Variants in GRM1 observed in about 807,000 individuals in gnomAD.
GRM1 encodes glutamate metabotropic receptor 1.
In GRM1, 33 loss-of-function variants were observed where a neutral mutation model predicts 90.9. The observed-to-expected ratio is 0.36, with a 90% CI of 0.28 to 0.49. GRM1 has a LOEUF of 0.49. Among genes scored for constraint, GRM1 ranks in the 20% least tolerant of loss-of-function variants. The pLI is 0.99. For synonymous variants in GRM1, 700 were observed against 613.2 expected, an observed-to-expected ratio of 1.14 and a Z score of -2.09; for missense variants, 1,190 against 1,534.3, an observed-to-expected ratio of 0.78 and a Z score of 3.75.
intron 2 of GRM1, among the ~76,000 whole-genome samples, chr6:146,249,383 T>A (rs1049312998): frequency 2.2e-4 from 34 of 152,120 alleles, no homozygotes; most frequent in African/African-American, 8.0e-4. Context: ...TCTGTGCAGC[T>A]TTGGAACTTG....
intron 1 of GRM1, among the ~76,000 whole-genome samples, chr6:146,091,285 G>A (rs1449966372): frequency 6.6e-6 from 1 of 152,072 alleles, no homozygotes; most frequent in Non-Finnish European, 1.5e-5. Context: ...TACCTTTTCA[G>A]GAAGTAGAGC....
At chr6:146,423,987 G>A (rs778660467) in intron 7 of GRM1, among the ~76,000 whole-genome samples, 5 of 152,084 alleles carry the variant, frequency 3.3e-5, no homozygotes, top group Non-Finnish European at 7.4e-5. Flanking sequence ...CACCAGACAC[G>A]GCCATCCCCA....
At chr6:146,371,415 C>T (rs1775897198) in intron 5 of GRM1, among the ~76,000 whole-genome samples, 1 of 152,056 alleles carries the variant, frequency 6.6e-6, no homozygotes, top group Non-Finnish European at 1.5e-5. Flanking sequence ...ACAATGAGTG[C>T]ATCATGGAGA....
At chr6:146,075,795 A>G (rs1400090629) in intron 1 of GRM1, among the ~76,000 whole-genome samples, 2 of 152,140 alleles carry the variant, frequency 1.3e-5, no homozygotes, top group Non-Finnish European at 2.9e-5. Context: ...CTTGGCTTGT[A>G]GCTGCATCAC....
intron 1 of GRM1, among the ~76,000 whole-genome samples, chr6:146,081,429 A>G (rs551000932): frequency 1.3e-5 from 2 of 152,308 alleles, no homozygotes; most frequent in African/African-American, 4.8e-5. Context: ...AGTAATAGCT[A>G]GGGGCCCACC....
At chr6:146,385,791 A>C (rs1224012290) in intron 5 of GRM1, among the ~76,000 whole-genome samples, 2 of 152,022 alleles carry the variant, frequency 1.3e-5, no homozygotes, top group Non-Finnish European at 2.9e-5. Context: ...ACTATAACCC[A>C]AAGGACGGGA....
intron 3 of GRM1, among the ~76,000 whole-genome samples, chr6:146,312,881 G>T (rs1274131118): frequency 2.0e-5 from 3 of 152,164 alleles, no homozygotes; most frequent in Non-Finnish European, 4.4e-5. Flanking sequence ...ACATAGGGTG[G>T]ACTGGTTCCC....
At chr6:146,186,443 A>G (rs556005468) in intron 2 of GRM1, among the ~76,000 whole-genome samples, 1 of 152,026 alleles carries the variant, frequency 6.6e-6, no homozygotes, top group Non-Finnish European at 1.5e-5. Flanking sequence ...TTGATTCCAA[A>G]CCATTTTGTT....
intron 2 of GRM1, among the ~76,000 whole-genome samples, chr6:146,283,913 T>G (rs1336751564): frequency 6.6e-6 from 1 of 152,226 alleles, no homozygotes; most frequent in Non-Finnish European, 1.5e-5. Context: ...ACAGAAACAG[T>G]TGGCTTCTCA....
intron 3 of GRM1, among the ~76,000 whole-genome samples, chr6:146,317,505 C>T (rs1286138718): frequency 1.3e-5 from 2 of 151,978 alleles, no homozygotes; most frequent in Non-Finnish European, 2.9e-5. Flanking sequence ...TTGTTGGTTT[C>T]GTTGTGTTAT....
intron 1 of GRM1, among the ~76,000 whole-genome samples, chr6:146,072,483 G>C (rs1272539467): frequency 6.6e-6 from 1 of 152,094 alleles, no homozygotes. Flanking sequence ...TTTTTAGCAA[G>C]ATTCCACATC....
rs765732100 is a variant in GRM1, at chr6:146,159,475, A to G, written c.828A>G (p.Lys276=). 9.3e-6 allele frequency: 15 copies of G among 1,613,868 alleles called. No homozygotes were observed. The highest frequency in any genetic ancestry group is 1.2e-5 in the Non-Finnish European group (14 of 1,179,998). ...GEKSFDRLLR[K]LRERLPKARV... ...AGAGCTTTGACCGACTCTTGCGCAA[A>G]CTCCGAGAGAGGCTTCCCAAGGCTA... is the stretch of plus-strand genomic sequence containing the variant. The change falls in exon 2 of 8, where the codon AAA becomes AAG. Residue 276 remains lysine (K), a synonymous_variant. Transcript: ENST00000282753.
At position 146,436,485 on chromosome 6, in the gene GRM1, CTAACATACAG is replaced by C. The variant is rs1295498106; in HGVS notation, c.*1696_*1705del. 6.6e-6 allele frequency: 1 copy of C among 152,210 alleles called. No homozygotes were observed. Among genetic ancestry groups the C allele is most frequent in the Non-Finnish European group, 1.5e-5 (1 of 68,028 alleles). 9.4% of individuals were successfully genotyped at this position (152,210 alleles called of 1,614,324 possible). On this transcript the variant is annotated 3_prime_UTR_variant, in exon 8 of 8. Transcript: ENST00000282753. ...AGATTTTCCACAGCTACTTGAGTGT[CTAACATACAG>C]TAACATCTAACTCAGCTAATAATTT...
chr6:146,170,749 T>G (rs911259005), intron 2 of GRM1, among the ~76,000 whole-genome samples: 3 of 152,138 alleles, frequency 2.0e-5, no homozygotes, highest in Admixed American at 6.5e-5. Context: ...CTTTTAAGAC[T>G]TTGTTATAGC....
intron 7 of GRM1, among the ~76,000 whole-genome samples, chr6:146,404,184 A>G (rs992401662): frequency 6.6e-5 from 10 of 151,942 alleles, no homozygotes; most frequent in Non-Finnish European, 2.9e-5. Flanking sequence ...ATTTATTGAA[A>G]CATTTGTGAT....
At chr6:146,217,108 AG>A (rs1476294185) in intron 2 of GRM1, among the ~76,000 whole-genome samples, 1 of 152,212 alleles carries the variant, frequency 6.6e-6, no homozygotes, top group Non-Finnish European at 1.5e-5. Flanking sequence ...TGAGAAGACA[AG>A]CATATATAAT....
At chr6:146,318,491 T>C (rs1021832966) in intron 3 of GRM1, among the ~76,000 whole-genome samples, 2 of 152,340 alleles carry the variant, frequency 1.3e-5, no homozygotes, top group African/African-American at 4.8e-5. Flanking sequence ...TATGGTAAAA[T>C]CATTTATAAT....
chr6:146,427,865 C>A lies in GRM1; in HGVS notation c.2661-6007C>A, dbSNP rs186983955. The stretch of plus-strand genomic sequence containing the variant: ...TAACCAAGGACACAGCAAGGAGATT[C>A]TAATTGTGAGAGCTGCTGGCTGCCT... On this transcript the variant is annotated intron_variant, in intron 7 of 7. Transcript: ENST00000282753. Among the ~76,000 whole-genome samples, 12 of 152,240 alleles carry A rather than the reference C, an allele frequency of 7.9e-5. No individual in the cohort carries two copies. The East Asian group carries it at 2.3e-3, about 29-fold the overall frequency.
chr6:146,353,858 C>T (rs1785490070), intron 4 of GRM1, among the ~76,000 whole-genome samples: 1 of 152,212 alleles, frequency 6.6e-6, no homozygotes, highest in Non-Finnish European at 1.5e-5. Flanking sequence ...TCTTGAACTT[C>T]TGACCTCAAG....
Sources: gnomAD v4.1 joint callset for allele counts (sites outside exome capture counted in the v4.1 genomes callset) on GRCh38, gnomAD v4.1.1 for gene constraint, MANE v1.5 for transcripts, NCBI Gene and HGNC (gene_info 2026-07-23, HGNC 2026-07-21) for gene names.